The following MYRIP variants were observed in gnomAD, a reference collection of about 807,000 sequenced individuals.
MYRIP encodes myosin VIIA and Rab interacting protein, also known as rab effector MyRIP.
Under a neutral mutation model 98.0 loss-of-function variants are expected in MYRIP, and 49 were observed. The observed-to-expected ratio is 0.50, with a 90% CI of 0.40 to 0.63. The LOEUF (loss-of-function observed/expected upper bound fraction) is 0.63, where lower values mean the gene tolerates loss of function less well. Among genes scored for constraint, MYRIP ranks in the 30% least tolerant of loss-of-function variants. The pLI is 0.00. For synonymous variants in MYRIP, 404 were observed against 409.5 expected (o/e 0.99, Z 0.16); for missense variants, 1,004 against 1,058.2 (o/e 0.95, Z 0.71).
chr3:39,923,605 T>C (rs1944351710), intron 2 of MYRIP, among the ~76,000 whole-genome samples: 1 of 152,108 alleles, frequency 6.6e-6, no homozygotes, highest in South Asian at 2.1e-4. Context: ...GGCATTCTCA[T>C]ATGAAGGAAA....
intron 4 of MYRIP, among the ~76,000 whole-genome samples, chr3:40,160,778 G>A (rs1014593280): frequency 2.6e-5 from 4 of 152,032 alleles, no homozygotes; most frequent in Non-Finnish European, 5.9e-5. Context: ...CTTTCCAGGT[G>A]CCACCCCTTT....
chr3:39,828,612 CTT>C (rs1941343676), intron 1 of MYRIP, among the ~76,000 whole-genome samples: 1 of 152,102 alleles, frequency 6.6e-6, no homozygotes, highest in Non-Finnish European at 1.5e-5. Flanking sequence ...TATTTGTTGT[CTT>C]TTATCTCTCG....
intron 3 of MYRIP, among the ~76,000 whole-genome samples, chr3:40,142,101 T>C (rs1949913302): frequency 6.7e-6 from 1 of 149,268 alleles, no homozygotes; most frequent in Non-Finnish European, 1.5e-5. Flanking sequence ...CCCCCAGGCT[T>C]GAGTGCAATG....
chr3:40,030,398 T>C (rs1201311100), intron 2 of MYRIP, among the ~76,000 whole-genome samples: 1 of 152,124 alleles, frequency 6.6e-6, no homozygotes, highest in Non-Finnish European at 1.5e-5. Flanking sequence ...CTGGTGGGAA[T>C]GTAAAATAGT....
At chr3:40,233,540 A>G (rs1952725350) in intron 11 of MYRIP, among the ~76,000 whole-genome samples, 1 of 152,174 alleles carries the variant, frequency 6.6e-6, no homozygotes, top group South Asian at 2.1e-4. Context: ...TTATTCAGCA[A>G]ATAAGGTCAG....
intron 10 of MYRIP, among the ~76,000 whole-genome samples, chr3:40,195,342 C>G (rs1259948672): frequency 6.6e-6 from 1 of 152,158 alleles, no homozygotes; most frequent in Admixed American, 6.5e-5. Flanking sequence ...GTCACCCATG[C>G]TGGAGTGCAG....
At chr3:39,936,386 G>T (rs1323460501) in intron 2 of MYRIP, among the ~76,000 whole-genome samples, 3 of 152,212 alleles carry the variant, frequency 2.0e-5, no homozygotes, top group Admixed American at 1.3e-4. Flanking sequence ...CTCCACAGGG[G>T]AGTGATGGGG....
intron 2 of MYRIP, among the ~76,000 whole-genome samples, chr3:39,946,098 G>A (rs1355858571): frequency 1.3e-5 from 2 of 151,978 alleles, no homozygotes; most frequent in African/African-American, 4.8e-5. Context: ...AGAATGTCAA[G>A]GGAGTGGCAA....
chr3:40,218,619 TATATATATA>T lies in MYRIP; in HGVS notation c.1905+8527_1905+8535del, dbSNP rs1952213086. Among the ~76,000 whole-genome samples, 38 of 17,550 alleles carry T rather than the reference TATATATATA, an allele frequency of 2.2e-3. 1 individual carries two copies. Among genetic ancestry groups the T allele is most frequent in the Admixed American group, 9.3e-3 (12 of 1,286 alleles). 11.5% of individuals were successfully genotyped at this position (17,550 alleles called of 152,430 possible). ...CACACATATATATATATTTTATATA[TATATATATA>T]TATATATATATATATATATATATAT... On this transcript the variant is annotated intron_variant, in intron 11 of 16. Coordinates refer to ENST00000302541, the MANE Select transcript of MYRIP (RefSeq NM_015460.4).
chr3:40,258,318 C>A lies in MYRIP; in HGVS notation c.*152C>A. 1 of 826,044 alleles carries A rather than the reference C, an allele frequency of 1.2e-6. No homozygotes were observed. Among genetic ancestry groups the A allele is most frequent in the Non-Finnish European group, 2.0e-6 (1 of 506,444 alleles). The allele number at this position is 826,044 out of a possible 1,614,324, so 51.2% of individuals were successfully genotyped here. ...CCATTGCACAGGGCTGTCCTGATAC[C>A]TCATCCAGAAAGCCGTCTCAGACTT... On this transcript the variant is annotated 3_prime_UTR_variant, in exon 17 of 17. Coordinates refer to ENST00000302541, the MANE Select transcript of MYRIP (RefSeq NM_015460.4).
At chr3:39,848,498 G>T (rs1200256336) in intron 1 of MYRIP, among the ~76,000 whole-genome samples, 4 of 152,020 alleles carry the variant, frequency 2.6e-5, no homozygotes, top group African/African-American at 9.7e-5. Flanking sequence ...TATTTCAGTG[G>T]AGAGGCCTTG....
At chr3:39,917,554 G>A (rs1575377148) in intron 2 of MYRIP, among the ~76,000 whole-genome samples, 1 of 151,108 alleles carries the variant, frequency 6.6e-6, no homozygotes, top group Non-Finnish European at 1.5e-5. Flanking sequence ...CACATAACAT[G>A]TAGTTGCAAC....
At chr3:40,220,909 C>T (rs148071872) in intron 11 of MYRIP, among the ~76,000 whole-genome samples, 40 of 152,030 alleles carry the variant, frequency 2.6e-4, no homozygotes, top group Non-Finnish European at 5.0e-4. Context: ...CCCCCACGAT[C>T]CAATCACTTT....
intron 3 of MYRIP, among the ~76,000 whole-genome samples, chr3:40,055,079 G>A (rs975471067): frequency 6.6e-6 from 1 of 152,034 alleles, no homozygotes; most frequent in Non-Finnish European, 1.5e-5. Context: ...TATTTACATG[G>A]TAGGGAAAAA....
chr3:40,233,610 C>T (rs983843276), intron 11 of MYRIP, among the ~76,000 whole-genome samples: 3 of 152,186 alleles, frequency 2.0e-5, no homozygotes, highest in Admixed American at 6.5e-5. Context: ...GCACTCCTTC[C>T]TCCTTCCCTC....
At chr3:40,071,785 G>A (rs1417598254) in intron 3 of MYRIP, among the ~76,000 whole-genome samples, 4 of 152,168 alleles carry the variant, frequency 2.6e-5, no homozygotes, top group African/African-American at 9.7e-5. Flanking sequence ...ATATAAAAGA[G>A]TTGTCTCAGG....
At chr3:39,850,392 T>C (rs1942096358) in intron 1 of MYRIP, among the ~76,000 whole-genome samples, 1 of 152,228 alleles carries the variant, frequency 6.6e-6, no homozygotes, top group South Asian at 2.1e-4. Flanking sequence ...AAATTTATCC[T>C]GGGTCCTGGG....
chr3:40,197,376 C>CTGAG (rs1304026842), intron 10 of MYRIP, among the ~76,000 whole-genome samples: 1 of 152,162 alleles, frequency 6.6e-6, no homozygotes, highest in Non-Finnish European at 1.5e-5. Context: ...TCCATGGCCC[C>CTGAG]TGAGTTGGGG....
chr3:40,105,320 A>C (rs1253897708), intron 3 of MYRIP, among the ~76,000 whole-genome samples: 2 of 152,230 alleles, frequency 1.3e-5, no homozygotes, highest in African/African-American at 2.4e-5. Context: ...TATGTCCTAC[A>C]TACTGTATTA....
Sources: gnomAD v4.1 joint callset for allele counts (sites outside exome capture counted in the v4.1 genomes callset) on GRCh38, gnomAD v4.1.1 for gene constraint, MANE v1.5 for transcripts, NCBI Gene and HGNC (gene_info 2026-07-23, HGNC 2026-07-21) for gene names.